GRIK4: variants seen among roughly 807,000 people sequenced by gnomAD.
GRIK4 encodes the protein glutamate ionotropic receptor kainate type subunit 4.
In GRIK4, 40 loss-of-function variants were observed where a neutral mutation model predicts 104.9. The observed-to-expected ratio is 0.38, with a 90% CI of 0.30 to 0.50. The LOEUF is 0.50. GRIK4 is among the 20% of genes least tolerant of loss of function. The pLI is 0.93. For missense variants in GRIK4, 1,047 were observed against 1,308.1 expected, an observed-to-expected ratio of 0.80 and a Z score of 3.08; for synonymous variants, 485 against 524.9, an observed-to-expected ratio of 0.92 and a Z score of 1.04.
At chr11:120,627,251 A>G (rs138936869) in intron 1 of GRIK4, among the ~76,000 whole-genome samples, 70 of 152,308 alleles carry the variant, frequency 4.6e-4, no homozygotes, top group Middle Eastern at 3.4e-3. Context: ...ATTCACAAGA[A>G]ATTATCATTC....
At chr11:120,917,247 C>CAAAAAAAAAAAAAAAAAAAAAAA (rs199620498) in intron 13 of GRIK4, among the ~76,000 whole-genome samples, 2 of 34,794 alleles carry the variant, frequency 5.7e-5, no homozygotes, top group African/African-American at 1.1e-4. Context: ...AACTCCGTCT[C>CAAAAAAAAAAAAAAAAAAAAAAA]AAAAAAAAAA....
intron 3 of GRIK4, among the ~76,000 whole-genome samples, chr11:120,732,422 T>C (rs1334589739): frequency 2.6e-5 from 4 of 152,200 alleles, no homozygotes; most frequent in Non-Finnish European, 4.4e-5. Flanking sequence ...TGAGCCACCA[T>C]GCCCAGCCAA....
At chr11:120,611,630 T>C (rs1949039436) in intron 1 of GRIK4, among the ~76,000 whole-genome samples, 2 of 152,178 alleles carry the variant, frequency 1.3e-5, no homozygotes, top group African/African-American at 4.8e-5. Flanking sequence ...CCGTGCATAA[T>C]CCCTCACTGC....
At chr11:120,562,682 C>T (rs1948254450) in intron 1 of GRIK4, among the ~76,000 whole-genome samples, 1 of 152,064 alleles carries the variant, frequency 6.6e-6, no homozygotes, top group South Asian at 2.1e-4. Context: ...GCCTTGTATA[C>T]CAGGCTAAGG....
intron 8 of GRIK4, among the ~76,000 whole-genome samples, chr11:120,843,767 C>T (rs1167646826): frequency 6.6e-6 from 1 of 152,118 alleles, no homozygotes; most frequent in Non-Finnish European, 1.5e-5. Flanking sequence ...CAGCCTTGGA[C>T]CTGTTTCATC....
chr11:120,717,328 C>T (rs1032902264), intron 3 of GRIK4, among the ~76,000 whole-genome samples: 15 of 152,296 alleles, frequency 9.8e-5, no homozygotes, highest in African/African-American at 2.9e-4. Flanking sequence ...CATCCTTTGG[C>T]AATGTTTACA....
chr11:120,584,470 C>G (rs1285333488), intron 1 of GRIK4, among the ~76,000 whole-genome samples: 1 of 152,164 alleles, frequency 6.6e-6, no homozygotes, highest in Non-Finnish European at 1.5e-5. Flanking sequence ...AGGGAGCAGG[C>G]AGTTACATGG....
intron 3 of GRIK4, among the ~76,000 whole-genome samples, chr11:120,727,799 A>G (rs1324221963): frequency 1.3e-5 from 2 of 152,152 alleles, no homozygotes; most frequent in African/African-American, 4.8e-5. Context: ...TAAAACTATA[A>G]GGAGCACAAG....
chr11:120,815,839 C>T (rs1158578224), intron 5 of GRIK4, among the ~76,000 whole-genome samples: 1 of 152,242 alleles, frequency 6.6e-6, no homozygotes, highest in African/African-American at 2.4e-5. Flanking sequence ...CTCGTGTCCA[C>T]GTGAGCAGCT....
chr11:120,818,493 T>A (rs548486783), intron 5 of GRIK4, among the ~76,000 whole-genome samples: 1 of 152,322 alleles, frequency 6.6e-6, no homozygotes, highest in Admixed American at 6.5e-5. Context: ...CATTTTTCAG[T>A]TTCTGGTGGA....
chr11:120,868,130 G>A (rs1292833017), intron 9 of GRIK4: 1 of 152,164 alleles, frequency 6.6e-6, no homozygotes, highest in Non-Finnish European at 1.5e-5. Context: ...GGTTACAGGT[G>A]TGTATGTAGG....
intron 3 of GRIK4, among the ~76,000 whole-genome samples, chr11:120,769,152 G>A (rs538231872): frequency 2.6e-5 from 4 of 152,284 alleles, no homozygotes; most frequent in African/African-American, 9.6e-5. Context: ...ATTCAGCTGT[G>A]ATGCCATCTG....
chr11:120,962,126 T>G (rs1037768627), intron 17 of GRIK4, among the ~76,000 whole-genome samples: 2 of 152,292 alleles, frequency 1.3e-5, no homozygotes, highest in East Asian at 3.9e-4. Context: ...CAGCCAGAAT[T>G]TCAGTTCTAC....
In GRIK4 at chr11:120,897,601, C is replaced by CAAAAAAAAAAAA. The variant is rs56807699; in HGVS notation, c.1165-916_1165-905dup. ...TGGGTGACAGAACAAGACTCCTTCT[C>CAAAAAAAAAAAA]AAAAAAAAAAAAAAAAAAAAAAAAA... On this transcript the variant is annotated intron_variant, in intron 11 of 20. Transcript: ENST00000527524. Among the ~76,000 whole-genome samples the CAAAAAAAAAAAA allele has an allele frequency of 1.7e-3, 22 of 13,058 alleles. 1 individual carries two copies. The highest frequency in any genetic ancestry group is 9.7e-3 in the East Asian group (2 of 206). The allele number at this position is 13,058 out of a possible 152,430, so 8.6% of individuals were successfully genotyped here.
chr11:120,807,604 T>G (rs1397572285), intron 4 of GRIK4, among the ~76,000 whole-genome samples: 1 of 152,158 alleles, frequency 6.6e-6, no homozygotes, highest in East Asian at 1.9e-4. Flanking sequence ...CTCTGAGAAG[T>G]GAGGGCTAGC....
intron 1 of GRIK4, among the ~76,000 whole-genome samples, chr11:120,628,979 C>T (rs1163378612): frequency 6.6e-6 from 1 of 152,162 alleles, no homozygotes; most frequent in East Asian, 1.9e-4. Flanking sequence ...CCTAGGAACT[C>T]GCAGTCTAGT....
At chr11:120,823,491 G>A (rs1385490666) in intron 6 of GRIK4, among the ~76,000 whole-genome samples, 1 of 152,294 alleles carries the variant, frequency 6.6e-6, no homozygotes, top group South Asian at 2.1e-4. Context: ...AGAAAACAGA[G>A]TCTTGGAGGT....
At chr11:120,612,103 C>G (rs1215836702) in intron 1 of GRIK4, among the ~76,000 whole-genome samples, 1 of 152,212 alleles carries the variant, frequency 6.6e-6, no homozygotes, top group Non-Finnish European at 1.5e-5. Context: ...TCATTCTTCT[C>G]CTGACATGCT....
At chr11:120,843,058 C>T (rs1480017748) in intron 8 of GRIK4, among the ~76,000 whole-genome samples, 3 of 152,254 alleles carry the variant, frequency 2.0e-5, no homozygotes, top group Non-Finnish European at 2.9e-5. Context: ...GCCATCTCAG[C>T]AGAGAGAAGT....
Sources: allele counts gnomAD v4.1 joint callset (sites outside exome capture counted in the v4.1 genomes callset), GRCh38; gene constraint gnomAD v4.1.1; transcripts MANE v1.5; gene names NCBI Gene and HGNC (gene_info 2026-07-23, HGNC 2026-07-21).